SPAG16: variants seen among roughly 807,000 people sequenced by gnomAD.
SPAG16 encodes sperm-associated antigen 16 protein.
Under a neutral mutation model 80.4 loss-of-function variants are expected in SPAG16, and 86 were observed. That is an observed-to-expected ratio of 1.07 (90% confidence interval 0.90 to 1.28). SPAG16 has a LOEUF of 1.28. Among genes scored for constraint, SPAG16 ranks in the 50% most tolerant of loss-of-function variants. The pLI, the probability that SPAG16 is intolerant of heterozygous loss-of-function variation, is 0.00. For synonymous variants in SPAG16, 294 were observed against 265.9 expected (o/e 1.11, Z -1.03); for missense variants, 870 against 765.3 (o/e 1.14, Z -1.61).
At chr2:213,415,913 G>T (rs2069227109) in intron 9 of SPAG16, among the ~76,000 whole-genome samples, 1 of 152,204 alleles carries the variant, frequency 6.6e-6, no homozygotes, top group East Asian at 1.9e-4. Flanking sequence ...GCTGCAGTTA[G>T]TTCTTTGTGA....
At chr2:213,597,124 A>G (rs1438923200) in intron 10 of SPAG16, among the ~76,000 whole-genome samples, 1 of 152,216 alleles carries the variant, frequency 6.6e-6, no homozygotes, top group Non-Finnish European at 1.5e-5. Context: ...AAGTTTTCCA[A>G]CAGAGCTTTG....
At chr2:213,563,155 A>G (rs943807888) in intron 10 of SPAG16, among the ~76,000 whole-genome samples, 5 of 151,812 alleles carry the variant, frequency 3.3e-5, no homozygotes, top group African/African-American at 1.2e-4. Flanking sequence ...TCATTTTTTT[A>G]CTTTCAACAC....
At chr2:214,043,612 G>T (rs572039751) in intron 13 of SPAG16, among the ~76,000 whole-genome samples, 1 of 152,190 alleles carries the variant, frequency 6.6e-6, no homozygotes, top group East Asian at 1.9e-4. Flanking sequence ...GTCATATATT[G>T]TGATGTTAGA....
At chr2:214,362,579 T>C (rs1699249892) in intron 15 of SPAG16, among the ~76,000 whole-genome samples, 2 of 151,870 alleles carry the variant, frequency 1.3e-5, no homozygotes, top group African/African-American at 4.8e-5. Context: ...TAGCCTAATA[T>C]CTTGCCAATT....
intron 9 of SPAG16, among the ~76,000 whole-genome samples, chr2:213,423,308 T>G (rs2069709442): frequency 6.6e-6 from 1 of 152,230 alleles, no homozygotes; most frequent in South Asian, 2.1e-4. Flanking sequence ...CTTGCTTCAC[T>G]TTCTTTGTGT....
At chr2:213,932,949 A>AACACACAC (rs3076792) in intron 12 of SPAG16, among the ~76,000 whole-genome samples, 29,643 of 143,698 alleles carry the variant, frequency 0.21, 3,192 homozygotes, top group Non-Finnish European at 0.25. Flanking sequence ...GTTGTTTGAA[A>AACACACAC]ACACACACAC....
At chr2:214,199,337 CA>C (rs1458701169) in intron 15 of SPAG16, among the ~76,000 whole-genome samples, 5 of 152,208 alleles carry the variant, frequency 3.3e-5, no homozygotes, top group African/African-American at 1.2e-4. Context: ...TCAGTTTTCC[CA>C]GCACCATTTA....
At chr2:214,108,095 G>C in intron 13 of SPAG16, 101 bp from the exon 14 acceptor site, 1 of 804,208 alleles carries the variant, frequency 1.2e-6, no homozygotes, top group Non-Finnish European at 2.0e-6. Context: ...AATTCTGGGA[G>C]GAGGGGCTAA....
Position 213,284,514 on chromosome 2 carries a change from G to A in SPAG16, c.31G>A (p.Ala11Thr). Residue 11 changes from alanine to threonine, a missense_variant, in exon 1 of 16, where the codon GCC becomes ACC. Ala to Thr is a moderately conservative substitution (Grantham distance 58). Coordinates refer to ENST00000331683, the MANE Select transcript of SPAG16 (RefSeq NM_024532.5). ...TGCTCAGCGAGGGATGCCCAGCTCC[G>A]CCGTGAGGGTCCTGGAAGAGGCGTT... MAAQRGMPSS[A>T]VRVLEEALGM... The A allele has an allele frequency of 6.3e-7, 1 of 1,583,944 alleles. No individual in the cohort carries two copies. Among genetic ancestry groups the A allele is most frequent in the South Asian group, 1.2e-5 (1 of 86,900 alleles).
intron 12 of SPAG16, among the ~76,000 whole-genome samples, chr2:213,944,055 C>T (rs997245910): frequency 2.6e-5 from 4 of 152,190 alleles, no homozygotes; most frequent in Non-Finnish European, 4.4e-5. Flanking sequence ...TCAGGGCTGC[C>T]ACTCTCACCA....
At chr2:213,635,799 A>T (rs539697653) in intron 10 of SPAG16, among the ~76,000 whole-genome samples, 1 of 151,866 alleles carries the variant, frequency 6.6e-6, no homozygotes, top group South Asian at 2.1e-4. Flanking sequence ...TTTTGATGGG[A>T]TTAGTTTTTC....
chr2:214,102,444 A>G (rs992800319), intron 13 of SPAG16, among the ~76,000 whole-genome samples: 1 of 152,058 alleles, frequency 6.6e-6, no homozygotes, highest in African/African-American at 2.4e-5. Context: ...GTTCTCATTC[A>G]TGGACTACCC....
intron 13 of SPAG16, among the ~76,000 whole-genome samples, chr2:214,040,155 C>T (rs908986280): frequency 6.6e-6 from 1 of 152,106 alleles, no homozygotes; most frequent in South Asian, 2.1e-4. Context: ...TAGCCTGGGA[C>T]CTCCAGAATA....
chr2:213,463,223 C>A (rs1008554866), intron 9 of SPAG16, among the ~76,000 whole-genome samples: 4 of 152,108 alleles, frequency 2.6e-5, no homozygotes, highest in African/African-American at 7.2e-5. Flanking sequence ...AGCATCGAAG[C>A]ATTAAAGAGG....
intron 10 of SPAG16, among the ~76,000 whole-genome samples, chr2:213,527,025 T>C (rs1263161761): frequency 1.3e-5 from 2 of 152,200 alleles, no homozygotes; most frequent in Non-Finnish European, 2.9e-5. Flanking sequence ...CAGAAATCAA[T>C]TTCAGCTAAC....
intron 14 of SPAG16, among the ~76,000 whole-genome samples, chr2:214,141,084 G>A (rs545556027): frequency 6.6e-6 from 1 of 152,144 alleles, no homozygotes; most frequent in Admixed American, 6.5e-5. Flanking sequence ...CTTAAGATAA[G>A]ATTTAGATTA....
At chr2:213,564,350 C>T (rs1464608375) in intron 10 of SPAG16, among the ~76,000 whole-genome samples, 1 of 151,898 alleles carries the variant, frequency 6.6e-6, no homozygotes, top group Admixed American at 6.6e-5. Flanking sequence ...TAAAAATAAG[C>T]CAGGTGTGGT....
intron 13 of SPAG16, among the ~76,000 whole-genome samples, chr2:214,022,462 C>T: frequency 6.6e-6 from 1 of 152,104 alleles, no homozygotes; most frequent in East Asian, 1.9e-4. Context: ...CTACTTATCA[C>T]ATAAGGATAA....
chr2:214,003,404 T>A (rs570947803), intron 12 of SPAG16, among the ~76,000 whole-genome samples: 2 of 152,212 alleles, frequency 1.3e-5, no homozygotes, highest in Non-Finnish European at 2.9e-5. Context: ...TTGATATTAA[T>A]CTTATGTGAA....
Sources: gnomAD v4.1 joint callset for allele counts (sites outside exome capture counted in the v4.1 genomes callset) on GRCh38, gnomAD v4.1.1 for gene constraint, MANE v1.5 for transcripts, NCBI Gene and HGNC (gene_info 2026-07-23, HGNC 2026-07-21) for gene names.